The following XG variants were observed in gnomAD, a reference collection of about 807,000 sequenced individuals.
XG encodes the protein Xg glycoprotein (Xg blood group), also known as glycoprotein Xg.
Under a neutral mutation model 25.7 loss-of-function variants are expected in XG, and 24 were observed. That is an observed-to-expected ratio of 0.93 (90% CI 0.68 to 1.31). The LOEUF (loss-of-function observed/expected upper bound fraction) is 1.31, where lower values mean the gene tolerates loss of function less well. XG is among the 40% of genes most tolerant of loss of function. The pLI is 0.00. For synonymous variants in XG, 77 were observed against 69.2 expected (o/e 1.11, Z -0.56); for missense variants, 181 against 187.6 (o/e 0.96, Z 0.21).
intron 9 of XG, chrX:2,808,615 A>G (rs1180854197): frequency 2.8e-6 from 2 of 710,055 alleles, no homozygotes; most frequent in Middle Eastern, 7.9e-4. Flanking sequence ...ATCAGAGTGC[A>G]CTGTCAATCC....
intron 1 of XG, among the ~76,000 whole-genome samples, chrX:2,765,376 GGGAAGGAAGGAAGGAAGGAAGGAA>G (rs56267419): frequency 6.9e-6 from 1 of 144,024 alleles, no homozygotes; most frequent in South Asian, 2.2e-4. Context: ...GAGGGAGGGA[GGGAAGGAAGGAAGGAAGGAAGGAA>G]GGAAGGAAGG....
chrX:2,783,199 C>A (rs1462361302), intron 4 of XG, among the ~76,000 whole-genome samples: 19 of 111,664 alleles, frequency 1.7e-4, no homozygotes, highest in Non-Finnish European at 3.0e-4. Context: ...CCCAAACCCC[C>A]ACGTGTGCTG....
intron 1 of XG, among the ~76,000 whole-genome samples, chrX:2,764,486 A>G (rs1048514671): frequency 7.9e-5 from 12 of 152,012 alleles, no homozygotes; most frequent in Non-Finnish European, 1.3e-4. Flanking sequence ...ATATATACAC[A>G]TAGGTATTTT....
rs534819830 is a variant in XG at position 2,764,153 on chromosome X, C to A, written c.62-6397C>A. On this transcript the variant is annotated intron_variant, in intron 1 of 10. Coordinates refer to ENST00000644266, the MANE Select transcript of XG (RefSeq NM_001141919.2). ...CCTCACTTGTGTCTTCCCACCAGCA[C>A]CATGACAGTTTACAAATGCCACGGC... is the stretch of plus-strand genomic sequence containing the variant. Among the ~76,000 whole-genome samples, 7 of 152,308 alleles carry A rather than the reference C, an allele frequency of 4.6e-5. No individual in the cohort carries two copies. The South Asian group carries it at 1.5e-3, about 32-fold the overall frequency.
chrX:2,779,569 C>G (rs1380207903), intron 3 of XG, among the ~76,000 whole-genome samples: 1 of 152,098 alleles, frequency 6.6e-6, no homozygotes, highest in African/African-American at 2.4e-5. Flanking sequence ...CCCGCAGACA[C>G]CAAAATCCAC....
rs1166819051 is a variant in XG, at chrX:2,770,015, GT to G, written c.62-534del. Among the ~76,000 whole-genome samples the G allele has an allele frequency of 9.4e-4, 132 of 140,676 alleles. 2 individuals carry two copies. Among genetic ancestry groups the G allele is most frequent in the African/African-American group, 2.8e-3 (110 of 38,994 alleles). The allele number at this position is 140,676 out of a possible 152,430, so 92.3% of individuals were successfully genotyped here. On this transcript the variant is annotated intron_variant, in intron 1 of 10. Coordinates refer to ENST00000644266, the MANE Select transcript of XG (RefSeq NM_001141919.2). ...CTCTCAACCTAGACTCTGTGCGTGT[GT>G]GGAGGGGTGGGGGGGGCGTTGGGGG... is the stretch of plus-strand genomic sequence containing the variant.
chrX:2,762,993 T>C (rs1476886623), intron 1 of XG, among the ~76,000 whole-genome samples: 2 of 152,198 alleles, frequency 1.3e-5, no homozygotes, highest in African/African-American at 4.8e-5. Flanking sequence ...CCTCAATATG[T>C]TTAGTTTCCT....
rs1375120219 is a variant in XG, at chrX:2,763,477, C to T, written c.62-7073C>T. On this transcript the variant is annotated intron_variant, in intron 1 of 10. Coordinates refer to ENST00000644266, the MANE Select transcript of XG (RefSeq NM_001141919.2). ...TAAATTCCTTCCCTGGGGCATGTGG[C>T]GGTGGGAGGGGGGTGGAAGGGGGGT... Among the ~76,000 whole-genome samples the T allele has an allele frequency of 3.3e-5, 3 of 91,202 alleles. No individual in the cohort carries two copies. In the Admixed American group the frequency reaches 3.7e-4, roughly 11 times the overall value. The allele number at this position is 91,202 out of a possible 152,430, so 59.8% of individuals were successfully genotyped here.
chrX:2,764,982 A>C (rs1323758402), intron 1 of XG, among the ~76,000 whole-genome samples: 1 of 131,628 alleles, frequency 7.6e-6, no homozygotes, highest in African/African-American at 2.9e-5. Context: ...CAGGGGTTGT[A>C]GTGAGCCGAG....
intron 4 of XG, among the ~76,000 whole-genome samples, chrX:2,782,372 A>G (rs1257617985): frequency 8.9e-6 from 1 of 112,231 alleles, no homozygotes. Flanking sequence ...CAACTGGTTC[A>G]CTTTGTTGGC....
chrX:2,756,436 T>C (rs757545574), intron 1 of XG, among the ~76,000 whole-genome samples: 3 of 152,306 alleles, frequency 2.0e-5, no homozygotes, highest in African/African-American at 7.2e-5. Flanking sequence ...GACTTCAAAA[T>C]AGAAGAGTCG....
rs775130372 is a variant in XG, at chrX:2,782,084, A to G, written c.146A>G (p.Lys49Arg). ...TCCACAGATATCTACCCAAAGCCAA[A>G]ACCACCTTACTACCCACAGCCCGAG... is the stretch of plus-strand genomic sequence containing the variant. ...KPNSDIYPKP[K>R]PPYYPQPENP... Residue 49 changes from lysine to arginine, a missense_variant, in exon 4 of 11, where the codon AAA becomes AGA. Lys to Arg is a conservative substitution (Grantham distance 26). Transcript: ENST00000644266. 1 of 1,209,992 alleles carries G rather than the reference A, an allele frequency of 8.3e-7. No homozygotes were observed. Among genetic ancestry groups the G allele is most frequent in the African/African-American group, 1.7e-5 (1 of 57,168 alleles).
intron 3 of XG, among the ~76,000 whole-genome samples, chrX:2,781,753 C>G (rs1161030941): frequency 8.9e-6 from 1 of 112,345 alleles, no homozygotes; most frequent in Non-Finnish European, 1.9e-5. Context: ...TATTCCATGA[C>G]AATTCTTCCT....
chrX:2,799,576 G>T (rs1344593329), intron 7 of XG, among the ~76,000 whole-genome samples: 1 of 111,501 alleles, frequency 9.0e-6, no homozygotes, highest in Non-Finnish European at 1.9e-5. Context: ...TGGACAAAAT[G>T]GGGCAGGGGA....
chrX:2,769,730 C>G (rs1294051662), intron 1 of XG, among the ~76,000 whole-genome samples: 3 of 152,224 alleles, frequency 2.0e-5, no homozygotes, highest in African/African-American at 7.2e-5. Context: ...GTTCTCTTCT[C>G]TCTGCTGCAG....
In XG at chrX:2,814,911, C is replaced by T. The variant is rs753586504; in HGVS notation, c.*531C>T. ...GTGGGGATGCATTATTTCTGACACC[C>T]ACAAGCAGGGTTTGATCATCCTTTC... is the stretch of plus-strand genomic sequence containing the variant. On this transcript the variant is annotated 3_prime_UTR_variant, in exon 11 of 11. Coordinates refer to ENST00000644266, the MANE Select transcript of XG (RefSeq NM_001141919.2). 8.9e-6 allele frequency: 1 copy of T among 112,054 alleles called. No homozygotes were observed. Among genetic ancestry groups the T allele is most frequent in the East Asian group, 2.8e-4 (1 of 3,581 alleles). 9.2% of individuals were successfully genotyped at this position (112,054 alleles called of 1,213,427 possible). A position where few individuals can be genotyped will look rare whatever the true frequency, so the allele number is the denominator to read the frequency against.
intron 1 of XG, among the ~76,000 whole-genome samples, chrX:2,757,958 T>C (rs1457814927): frequency 9.5e-6 from 1 of 105,122 alleles, no homozygotes. Context: ...GGTGACAGAG[T>C]AAGACTCCAT....
At chrX:2,765,481 T>C (rs1315386970) in intron 1 of XG, among the ~76,000 whole-genome samples, 2 of 152,146 alleles carry the variant, frequency 1.3e-5, no homozygotes, top group Non-Finnish European at 2.9e-5. Flanking sequence ...GATTGAATAA[T>C]GAAACAGAAG....
chrX:2,777,056 G>GA (rs2051014626), intron 3 of XG, among the ~76,000 whole-genome samples: 1 of 152,202 alleles, frequency 6.6e-6, no homozygotes, highest in South Asian at 2.1e-4. Context: ...AAATTTTGCT[G>GA]AAAAATCTTC....
Sources: allele counts gnomAD v4.1 joint callset (sites outside exome capture counted in the v4.1 genomes callset), GRCh38; gene constraint gnomAD v4.1.1; transcripts MANE v1.5; gene names NCBI Gene and HGNC (gene_info 2026-07-23, HGNC 2026-07-21).